Variants in SPINK5 observed in about 807,000 individuals in gnomAD.
The protein encoded by SPINK5 is serine protease inhibitor Kazal-type 5.
A neutral mutation model predicts 151.8 loss-of-function variants in SPINK5; 125 were observed. The ratio of observed to expected loss-of-function variants is 0.82; its 90% CI spans 0.71 to 0.96. The LOEUF (loss-of-function observed/expected upper bound fraction) is 0.96, where lower values mean the gene tolerates loss of function less well. SPINK5 is among the 40% of genes least tolerant of loss of function. The pLI, the probability that SPINK5 is intolerant of heterozygous loss-of-function variation, is 0.00. For missense variants in SPINK5, 1,194 were observed against 1,291.9 expected, an observed-to-expected ratio of 0.92 and a Z score of 1.16; for synonymous variants, 374 against 395.3, an observed-to-expected ratio of 0.95 and a Z score of 0.64.
chr5:148,107,972 T>A (rs573057806), intron 17 of SPINK5, among the ~76,000 whole-genome samples: 1 of 152,228 alleles, frequency 6.6e-6, no homozygotes, highest in Non-Finnish European at 1.5e-5. Flanking sequence ...AACTTTCACA[T>A]GTCTTGATCC....
At chr5:148,130,408 C>A (rs1305543282) in intron 30 of SPINK5, among the ~76,000 whole-genome samples, 2 of 151,936 alleles carry the variant, frequency 1.3e-5, no homozygotes, top group African/African-American at 2.4e-5. Context: ...GGAGTACTTA[C>A]TTCTTAATAT....
chr5:148,127,922 G>C (rs530234133), intron 30 of SPINK5, among the ~76,000 whole-genome samples: 4 of 152,248 alleles, frequency 2.6e-5, no homozygotes, highest in African/African-American at 9.6e-5. Flanking sequence ...ACATTAGCAT[G>C]ATAAGATTTA....
intron 30 of SPINK5, among the ~76,000 whole-genome samples, chr5:148,128,775 G>T (rs1185269808): frequency 6.6e-6 from 1 of 152,052 alleles, no homozygotes; most frequent in African/African-American, 2.4e-5. Flanking sequence ...CGCCCGCCTC[G>T]GCCTCCCAAA....
chr5:148,080,187 A>G (rs781270668), intron 4 of SPINK5, among the ~76,000 whole-genome samples: 5 of 151,356 alleles, frequency 3.3e-5, no homozygotes, highest in Non-Finnish European at 5.9e-5. Flanking sequence ...CAAAATGAGT[A>G]CAAGACTTAT....
chr5:148,130,823 G>A (rs183519774), intron 30 of SPINK5, among the ~76,000 whole-genome samples: 31 of 152,226 alleles, frequency 2.0e-4, no homozygotes, highest in African/African-American at 7.2e-4. Flanking sequence ...TACTTCTCTA[G>A]TTAGTGGTAG....
chr5:148,078,389 G>A (rs1752938208), intron 4 of SPINK5, among the ~76,000 whole-genome samples: 1 of 151,096 alleles, frequency 6.6e-6, no homozygotes, highest in African/African-American at 2.4e-5. Context: ...AGAACAGCTA[G>A]ACTAAATATG....
intron 32 of SPINK5, among the ~76,000 whole-genome samples, chr5:148,135,060 C>G (rs895330079): frequency 1.3e-5 from 2 of 152,070 alleles, no homozygotes; most frequent in Non-Finnish European, 2.9e-5. Flanking sequence ...GGAATGAAAT[C>G]AGAAGACCTT....
At chr5:148,128,328 G>A (rs73794693) in intron 30 of SPINK5, among the ~76,000 whole-genome samples, 4,702 of 152,130 alleles carry the variant, frequency 0.031, 226 homozygotes, top group African/African-American at 0.11. Flanking sequence ...TGTGATAGCA[G>A]CAAGAAATAA....
At chr5:148,123,996 G>A (rs1418138213) in intron 27 of SPINK5, 36 bp downstream of exon 27, 2 of 1,611,812 alleles carry the variant, frequency 1.2e-6, no homozygotes, top group East Asian at 4.5e-5. Flanking sequence ...TTTGATAGTT[G>A]TGCCTGTTTG....
At chr5:148,070,157 A>G (rs539113482) in intron 2 of SPINK5, among the ~76,000 whole-genome samples, 166 bp from the exon 3 acceptor site, 2 of 152,194 alleles carry the variant, frequency 1.3e-5, no homozygotes, top group South Asian at 2.1e-4. Context: ...AATATCTACT[A>G]TGTATCAGGC....
rs202213668 is a variant in SPINK5, at chr5:148,064,020, G to A, written c.-25G>A. The A allele has an allele frequency of 2.5e-6, 4 of 1,613,996 alleles. No homozygotes were observed. Among genetic ancestry groups the A allele is most frequent in the South Asian group, 1.1e-5 (1 of 91,080 alleles). On this transcript the variant is annotated 5_prime_UTR_variant, in exon 1 of 33. Coordinates refer to ENST00000256084, the MANE Select transcript of SPINK5 (RefSeq NM_006846.4). Reference sequence around the variant, plus strand: ...GCTGAGCAATGCATGGAGTGGACCTGTAGGCGACTTGCATCGTCTTCAACA... The same window carrying A: ...GCTGAGCAATGCATGGAGTGGACCTATAGGCGACTTGCATCGTCTTCAACA...
At chr5:148,064,947 TTATAGTTTCAACTATAA>T (rs1202084087) in intron 1 of SPINK5, among the ~76,000 whole-genome samples, 1 of 152,140 alleles carries the variant, frequency 6.6e-6, no homozygotes, top group Non-Finnish European at 1.5e-5. Context: ...TAATGCTATA[TTATAGTTTCAACTATAA>T]TATAGTTTCA....
In SPINK5 at chr5:148,095,917, T is replaced by C; in HGVS notation, c.882+12T>C. The stretch of plus-strand genomic sequence containing the variant: ...AAAGAGAAATTGTGGTGAGAATCAG[T>C]TTGATCAATCTAGTTACAACTTGTG... On this transcript the variant is annotated intron_variant, in intron 10 of 32. Coordinates refer to ENST00000256084, the MANE Select transcript of SPINK5 (RefSeq NM_006846.4). 6.2e-6 allele frequency: 10 copies of C among 1,603,730 alleles called. No individual in the cohort carries two copies. Among genetic ancestry groups the C allele is most frequent in the Non-Finnish European group, 8.5e-6 (10 of 1,172,808 alleles).
At chr5:148,065,546 CA>C in intron 2 of SPINK5, 174 bp downstream of exon 2, 1 of 27,712 alleles carries the variant, frequency 3.6e-5, no homozygotes, top group East Asian at 5.8e-3. Flanking sequence ...GCCTCTCTCT[CA>C]CACACACACA....
At chr5:148,129,561 A>G (rs962419578) in intron 30 of SPINK5, among the ~76,000 whole-genome samples, 4 of 152,194 alleles carry the variant, frequency 2.6e-5, no homozygotes, top group African/African-American at 9.6e-5. Context: ...TTTGAACATT[A>G]TAGCACCAGT....
chr5:148,125,821 AAAC>A lies in SPINK5; in HGVS notation c.2841_2843del (p.Asn947del). On this transcript the variant is annotated inframe_deletion, in exon 29 of 33. Transcript: ENST00000256084. ...ACGGTGCTGATGGAAAGTTCTATAC[AAAC>A]AAGTGCTACATGTGCAGAGCTGTCT... 1 of 1,614,206 alleles carries A rather than the reference AAAC, an allele frequency of 6.2e-7. No individual in the cohort carries two copies. The highest frequency in any genetic ancestry group is 1.1e-5 in the South Asian group (1 of 91,088).
intron 4 of SPINK5, among the ~76,000 whole-genome samples, chr5:148,074,518 T>A (rs1752830910): frequency 1.3e-5 from 2 of 151,928 alleles, no homozygotes; most frequent in African/African-American, 4.8e-5. Flanking sequence ...GTTTCTGAGG[T>A]CCCTCTTTTT....
At chr5:148,123,667 T>C (rs1452425116) in intron 26 of SPINK5, among the ~76,000 whole-genome samples, 166 bp from the exon 27 acceptor site, 1 of 151,492 alleles carries the variant, frequency 6.6e-6, no homozygotes, top group Non-Finnish European at 1.5e-5. Context: ...TTCAAACTTC[T>C]TAGGTAGAGA....
rs1554104853 is a variant in SPINK5, at chr5:148,104,956, CA to C, written c.1437del (p.Glu480LysfsTer24). ...TCSMCEAFFQQEERARAKAKR... is the reference protein window; with the variant it reads ...TCSMCEAFFQXEERARAKAKR... ...TTTCTTTTCGGTTTCTTAAAGTCAA[CA>C]AGAAGAAAGAGCAAGAGCAAAGGCT... On this transcript the variant is annotated frameshift_variant, in exon 16 of 33. Coordinates refer to ENST00000256084, the MANE Select transcript of SPINK5 (RefSeq NM_006846.4). LOFTEE classifies it high-confidence loss of function. 5 of 1,612,574 alleles carry C rather than the reference CA, an allele frequency of 3.1e-6. No homozygotes were observed. Among genetic ancestry groups the C allele is most frequent in the Non-Finnish European group, 4.2e-6 (5 of 1,179,398 alleles).
Sources: gnomAD v4.1 joint callset for allele counts (sites outside exome capture counted in the v4.1 genomes callset) on GRCh38, gnomAD v4.1.1 for gene constraint, MANE v1.5 for transcripts, NCBI Gene and HGNC (gene_info 2026-07-23, HGNC 2026-07-21) for gene names.